FSTL4: variants seen among roughly 807,000 people sequenced by gnomAD.
FSTL4 encodes the protein follistatin-related protein 4.
FSTL4 carries 28 observed loss-of-function variants against 78.2 expected under a neutral mutation model. The ratio of observed to expected loss-of-function variants is 0.36; its 90% CI spans 0.27 to 0.49. The LOEUF (loss-of-function observed/expected upper bound fraction) is 0.49. Ranked by LOEUF, FSTL4 falls within the 20% of genes least tolerant of loss-of-function variation. FSTL4 has a pLI of 0.98. For missense variants in FSTL4, 922 were observed against 1,084.9 expected, an observed-to-expected ratio of 0.85 and a Z score of 2.11; for synonymous variants, 422 against 440.5, an observed-to-expected ratio of 0.96 and a Z score of 0.53.
At chr5:133,403,290 A>G (rs1756279442) in intron 3 of FSTL4, among the ~76,000 whole-genome samples, 1 of 152,210 alleles carries the variant, frequency 6.6e-6, no homozygotes, top group Non-Finnish European at 1.5e-5. Flanking sequence ...AGCCTGCTTC[A>G]GAGCGTGTGC....
chr5:133,439,642 T>A (rs2127002038), intron 3 of FSTL4, among the ~76,000 whole-genome samples: 1 of 152,336 alleles, frequency 6.6e-6, no homozygotes, highest in East Asian at 1.9e-4. Flanking sequence ...GATCTCTCCC[T>A]TCGTCTAAAA....
chr5:133,657,347 G>A, the FSTL4 span, among the ~76,000 whole-genome samples: 1 of 152,160 alleles, frequency 6.6e-6, no homozygotes, highest in Non-Finnish European at 1.5e-5. Flanking sequence ...AAGATGACCA[G>A]GAAAAGAGTT....
chr5:133,481,595 T>C (rs947341548), intron 3 of FSTL4, among the ~76,000 whole-genome samples: 1 of 148,942 alleles, frequency 6.7e-6, no homozygotes, highest in African/African-American at 2.5e-5. Context: ...TCATCACAGG[T>C]AGTCAGCTGC....
chr5:133,303,498 T>C (rs757065166), intron 6 of FSTL4, among the ~76,000 whole-genome samples: 18 of 152,236 alleles, frequency 1.2e-4, no homozygotes, highest in Non-Finnish European at 2.2e-4. Flanking sequence ...GGGGCCACTT[T>C]GGTGCCAAGG....
At chr5:133,240,004 T>G (rs1483253666) in intron 7 of FSTL4, among the ~76,000 whole-genome samples, 1 of 152,224 alleles carries the variant, frequency 6.6e-6, no homozygotes, top group South Asian at 2.1e-4. Context: ...ACGCTGGGAT[T>G]CCTTTCCACG....
At chr5:133,538,999 C>A (rs1013743260) in intron 3 of FSTL4, among the ~76,000 whole-genome samples, 9 of 152,132 alleles carry the variant, frequency 5.9e-5, no homozygotes, top group Non-Finnish European at 1.0e-4. Flanking sequence ...AAGATGGTAA[C>A]CTCAGGGCAC....
the FSTL4 span, among the ~76,000 whole-genome samples, chr5:133,668,197 C>T: frequency 2.0e-5 from 3 of 152,292 alleles, no homozygotes; most frequent in Non-Finnish European, 4.4e-5. Flanking sequence ...TGCAGGCACG[C>T]TTATGGACTG....
the FSTL4 span, among the ~76,000 whole-genome samples, chr5:133,825,965 C>T: frequency 0.01 from 1,578 of 152,336 alleles, 13 homozygotes; most frequent in Non-Finnish European, 0.017. Context: ...GGTCGCCTGC[C>T]GGTGAGGCTG....
At chr5:133,669,748 C>T in the FSTL4 span, among the ~76,000 whole-genome samples, 4 of 152,220 alleles carry the variant, frequency 2.6e-5, no homozygotes, top group Non-Finnish European at 4.4e-5. Flanking sequence ...GCTGCGAGTG[C>T]CTCTGCCTTC....
At chr5:133,249,342 G>C (rs1752138851) in intron 7 of FSTL4, 68 bp downstream of exon 7, 2 of 1,234,992 alleles carry the variant, frequency 1.6e-6, no homozygotes, top group Non-Finnish European at 2.4e-6. Context: ...CACTGTCTGT[G>C]GCATCTTACC....
intron 3 of FSTL4, among the ~76,000 whole-genome samples, chr5:133,495,404 C>A (rs1330411303): frequency 6.6e-6 from 1 of 152,240 alleles, no homozygotes; most frequent in Non-Finnish European, 1.5e-5. Flanking sequence ...GTAAGTGCCA[C>A]AAATCATTCT....
At chr5:133,280,410 C>G (rs961336501) in intron 6 of FSTL4, among the ~76,000 whole-genome samples, 2 of 152,106 alleles carry the variant, frequency 1.3e-5, no homozygotes, top group African/African-American at 4.8e-5. Context: ...AGAGCCCAGG[C>G]ATAAATATTT....
intron 3 of FSTL4, among the ~76,000 whole-genome samples, chr5:133,520,908 G>T (rs887957891): frequency 6.6e-6 from 1 of 152,124 alleles, no homozygotes; most frequent in Non-Finnish European, 1.5e-5. Flanking sequence ...TTCTGGCAGC[G>T]GGGACTAGGC....
chr5:133,439,336 C>T (rs1280940154), intron 3 of FSTL4, among the ~76,000 whole-genome samples: 2 of 152,002 alleles, frequency 1.3e-5, no homozygotes, highest in African/African-American at 2.4e-5. Context: ...ATGACCGGGC[C>T]CAAACTTGCC....
At chr5:133,790,934 C>T in the FSTL4 span, among the ~76,000 whole-genome samples, 1 of 152,220 alleles carries the variant, frequency 6.6e-6, no homozygotes, top group South Asian at 2.1e-4. Context: ...CACATACACA[C>T]ACAAAATAAT....
At chr5:133,552,955 A>T (rs2112930307) in intron 3 of FSTL4, among the ~76,000 whole-genome samples, 1 of 152,324 alleles carries the variant, frequency 6.6e-6, no homozygotes, top group East Asian at 1.9e-4. Context: ...CACATGGTAG[A>T]AGAGCCACAG....
At chr5:133,489,808 T>A (rs1436031942) in intron 3 of FSTL4, among the ~76,000 whole-genome samples, 1 of 152,172 alleles carries the variant, frequency 6.6e-6, no homozygotes, top group Non-Finnish European at 1.5e-5. Flanking sequence ...AAGGAGACAC[T>A]TATCACTGAC....
At chr5:133,405,995 C>G (rs111627356) in intron 3 of FSTL4, among the ~76,000 whole-genome samples, 1,654 of 152,360 alleles carry the variant, frequency 0.011, 32 homozygotes, top group African/African-American at 0.038. Context: ...AGGCTCCTAT[C>G]CTCAGGGCAC....
At chr5:133,679,265 AAGC>A in the FSTL4 span, among the ~76,000 whole-genome samples, 13 of 152,146 alleles carry the variant, frequency 8.5e-5, no homozygotes, top group Non-Finnish European at 1.6e-4. Context: ...CCCAGGAGGA[AAGC>A]AGATGTTCAG....
Sources: gnomAD v4.1 joint callset for allele counts (sites outside exome capture counted in the v4.1 genomes callset) on GRCh38, gnomAD v4.1.1 for gene constraint, MANE v1.5 for transcripts, NCBI Gene and HGNC (gene_info 2026-07-23, HGNC 2026-07-21) for gene names.